KDM1B: variants seen among roughly 807,000 people sequenced by gnomAD.
KDM1B encodes lysine demethylase 1B.
In KDM1B, 63 loss-of-function variants were observed where a neutral mutation model predicts 107.4. The observed-to-expected ratio is 0.59, with a 90% CI of 0.48 to 0.72. KDM1B has a LOEUF of 0.72. KDM1B is among the 30% of genes least tolerant of loss of function. The pLI is 0.00. For synonymous variants in KDM1B, 363 were observed against 363.9 expected, an observed-to-expected ratio of 1.00 and a Z score of 0.03; for missense variants, 749 against 1,020.8, an observed-to-expected ratio of 0.73 and a Z score of 3.63.
At chr6:18,217,359 T>TACCATGTC (rs1789317026) in intron 20 of KDM1B, among the ~76,000 whole-genome samples, 1 of 150,430 alleles carries the variant, frequency 6.6e-6, no homozygotes, top group Non-Finnish European at 1.5e-5. Context: ...AGTTGGGTTG[T>TACCATGTC]ACCATGTCTA....
At chr6:18,177,824 G>A (rs1000798184) in intron 7 of KDM1B, among the ~76,000 whole-genome samples, 3 of 152,078 alleles carry the variant, frequency 2.0e-5, no homozygotes, top group Non-Finnish European at 4.4e-5. Flanking sequence ...CATGCTCATT[G>A]TTATGTATTG....
chr6:18,206,719 C>G (rs1048766244), intron 15 of KDM1B, among the ~76,000 whole-genome samples: 1 of 152,104 alleles, frequency 6.6e-6, no homozygotes, highest in South Asian at 2.1e-4. Context: ...GCCACTGCAC[C>G]AGGACTTGTC....
chr6:18,190,545 C>T (rs938075321), intron 9 of KDM1B, among the ~76,000 whole-genome samples: 30 of 151,034 alleles, frequency 2.0e-4, no homozygotes, highest in Middle Eastern at 3.2e-3. Context: ...GAGCTTGCAG[C>T]GAGCCGAGAT....
intron 6 of KDM1B, among the ~76,000 whole-genome samples, chr6:18,169,770 G>T (rs1445334236): frequency 6.6e-6 from 1 of 151,922 alleles, no homozygotes; most frequent in Non-Finnish European, 1.5e-5. Flanking sequence ...GAGTGCTTAC[G>T]TTTAGGTATT....
rs1789379882 is a variant in KDM1B, at chr6:18,217,995, T to G, written c.2385+110T>G. 7 of 1,190,830 alleles carry G rather than the reference T, an allele frequency of 5.9e-6. No homozygotes were observed. The Admixed American group carries it at 1.5e-4, about 26-fold the overall frequency. 73.8% of individuals were successfully genotyped at this position (1,190,830 alleles called of 1,614,324 possible). A position where few individuals can be genotyped will look rare whatever the true frequency, so the allele number is the denominator to read the frequency against. ...CCAATTCAAATACTGTCAAAAGTCT[T>G]ATGACCACAGACAGCAGAAGCCTTC... On this transcript the variant is annotated intron_variant, in intron 21 of 21. Coordinates refer to ENST00000650836, the MANE Select transcript of KDM1B (RefSeq NM_001364614.2).
chr6:18,219,780 A>T (rs1257484728), intron 21 of KDM1B, among the ~76,000 whole-genome samples: 4 of 152,198 alleles, frequency 2.6e-5, no homozygotes, highest in Non-Finnish European at 5.9e-5. Context: ...CAGTGGCCGG[A>T]TTCCCAAACA....
chr6:18,214,923 CAAAACAA>C lies in KDM1B; in HGVS notation c.2110-72_2110-66del, dbSNP rs1789103737. On this transcript the variant is annotated intron_variant, in intron 19 of 21. Transcript: ENST00000650836. This position sits in a 1 kb window ranked among gnomAD's most constrained non-coding sequence, Gnocchi z 4.4. ...AAACTCTGTCTCATTTAAAACAAAA[CAAAACAA>C]AAAACAAAAAAAAGAGGCCCTTATC... is the stretch of plus-strand genomic sequence containing the variant. 4 of 1,418,180 alleles carry C rather than the reference CAAAACAA, an allele frequency of 2.8e-6. No individual in the cohort carries two copies. The highest frequency in any genetic ancestry group is 2.3e-5 in the East Asian group (1 of 42,592). 87.8% of individuals were successfully genotyped at this position (1,418,180 alleles called of 1,614,324 possible). A position where few individuals can be genotyped will look rare whatever the true frequency, so the allele number is the denominator to read the frequency against.
chr6:18,184,867 T>G (rs1206102796), intron 7 of KDM1B, among the ~76,000 whole-genome samples: 1 of 147,870 alleles, frequency 6.8e-6, no homozygotes, highest in Admixed American at 6.9e-5. Context: ...TCCCGAGTAG[T>G]TGGAAGTACA....
intron 10 of KDM1B, among the ~76,000 whole-genome samples, chr6:18,192,063 A>G (rs1413484440): frequency 1.3e-5 from 2 of 152,122 alleles, no homozygotes; most frequent in Non-Finnish European, 2.9e-5. Flanking sequence ...GTTCAAGACC[A>G]GCCTGGGCAA....
chr6:18,222,325 T>C lies in KDM1B; in HGVS notation c.*333T>C, dbSNP rs1208309680. 3 of 382,084 alleles carry C rather than the reference T, an allele frequency of 7.9e-6. No homozygotes were observed. Among genetic ancestry groups the C allele is most frequent in the African/African-American group, 4.2e-5 (2 of 47,996 alleles). The allele number at this position is 382,084 out of a possible 1,614,324, so 23.7% of individuals were successfully genotyped here. ...TTCCCTTTAGATTTCACATTTTATA[T>C]GGCTGATCAATTTTCATACATTGAG... On this transcript the variant is annotated 3_prime_UTR_variant, in exon 22 of 22. Coordinates refer to ENST00000650836, the MANE Select transcript of KDM1B (RefSeq NM_001364614.2).
chr6:18,207,365 A>G (rs755157975), intron 15 of KDM1B, 33 bp from the exon 16 acceptor site: 2 of 1,611,126 alleles, frequency 1.2e-6, no homozygotes, highest in African/African-American at 1.3e-5. Context: ...AAGGATTTAC[A>G]CTGCTGTGTC....
chr6:18,168,490 GT>G (rs1785460489), intron 6 of KDM1B, among the ~76,000 whole-genome samples: 1 of 152,148 alleles, frequency 6.6e-6, no homozygotes, highest in Non-Finnish European at 1.5e-5. Flanking sequence ...ATATGCCACA[GT>G]TTTTTTAAGC....
rs1434766067 is a variant in KDM1B at position 18,201,173 on chromosome 6, A to C, written c.1360-313A>C. 6.6e-6 allele frequency among the ~76,000 whole-genome samples: 1 copy of C among 152,176 alleles called. No homozygotes were observed. The highest frequency in any genetic ancestry group is 2.4e-5 in the African/African-American group (1 of 41,454). On this transcript the variant is annotated intron_variant, in intron 13 of 21. Coordinates refer to ENST00000650836, the MANE Select transcript of KDM1B (RefSeq NM_001364614.2). The surrounding 1 kb of genome is among the most constrained non-coding windows in gnomAD (Gnocchi z 4.3). ...TGTTCATTTACATGAGGGTCCACAG[A>C]GGAGACAGAATGTTTGAGCAAGGAC...
In KDM1B at chr6:18,162,962, G is replaced by A. The variant is rs1340505285; in HGVS notation, c.305+38G>A. On this transcript the variant is annotated intron_variant, in intron 5 of 21. Transcript: ENST00000650836. This position sits in a 1 kb window ranked among gnomAD's most constrained non-coding sequence, Gnocchi z 4.1. ...ATTGTGTGAGGTTTCCCTGGAGAAGGGGACCGTGGCAGGGGCAGTGCGTGT... is the reference window on the plus strand; with the variant it reads ...ATTGTGTGAGGTTTCCCTGGAGAAGAGGACCGTGGCAGGGGCAGTGCGTGT... 1 of 1,315,034 alleles carries A rather than the reference G, an allele frequency of 7.6e-7. No homozygotes were observed. Among genetic ancestry groups the A allele is most frequent in the East Asian group, 2.3e-5 (1 of 43,536 alleles). The allele number at this position is 1,315,034 out of a possible 1,614,324, so 81.5% of individuals were successfully genotyped here. A position where few individuals can be genotyped will look rare whatever the true frequency, so the allele number is the denominator to read the frequency against.
At chr6:18,182,870 G>A (rs1220527960) in intron 7 of KDM1B, among the ~76,000 whole-genome samples, 1 of 152,120 alleles carries the variant, frequency 6.6e-6, no homozygotes, top group African/African-American at 2.4e-5. Flanking sequence ...GTAGTCCACT[G>A]AACAGACGTC....
At chr6:18,157,518 C>G (rs1784702353) in intron 2 of KDM1B, among the ~76,000 whole-genome samples, 1 of 152,174 alleles carries the variant, frequency 6.6e-6, no homozygotes, top group East Asian at 1.9e-4. Flanking sequence ...TTGCATGAAC[C>G]TAGGCTGATT....
chr6:18,183,552 G>A (rs7740550), intron 7 of KDM1B, among the ~76,000 whole-genome samples: 88,301 of 151,726 alleles, frequency 0.58, 26,783 homozygotes, highest in East Asian at 0.79. Flanking sequence ...GAGCCACCAC[G>A]CCGGGCCCTG....
At chr6:18,174,874 C>G (rs1785894681) in intron 7 of KDM1B, among the ~76,000 whole-genome samples, 1 of 152,152 alleles carries the variant, frequency 6.6e-6, no homozygotes, top group Non-Finnish European at 1.5e-5. Flanking sequence ...ACTGCAGTTT[C>G]TTTATCCACT....
chr6:18,208,875 C>T (rs544747679), intron 17 of KDM1B, among the ~76,000 whole-genome samples: 16 of 149,450 alleles, frequency 1.1e-4, no homozygotes, highest in East Asian at 2.0e-4. Context: ...AGGATGGTCT[C>T]GATCTCCTGA....
Sources: allele counts gnomAD v4.1 joint callset (sites outside exome capture counted in the v4.1 genomes callset), GRCh38; gene constraint gnomAD v4.1.1; non-coding constraint Gnocchi (gnomAD v3.1); transcripts MANE v1.5; gene names NCBI Gene and HGNC (gene_info 2026-07-23, HGNC 2026-07-21).